Variants in YWHAE observed in about 807,000 individuals in gnomAD.
YWHAE encodes the protein 14-3-3 protein epsilon.
YWHAE carries 4 observed loss-of-function variants against 30.1 expected under a neutral mutation model. That is an observed-to-expected ratio of 0.13 (90% CI 0.07 to 0.30). YWHAE has a LOEUF of 0.30. Ranked by LOEUF, YWHAE falls within the 10% of genes least tolerant of loss-of-function variation. The probability of loss-of-function intolerance (pLI) is 1.00; values close to 1 mark genes in which losing one functional copy is unlikely to be tolerated. For missense variants in YWHAE, 121 were observed against 315.9 expected (o/e 0.38, Z 4.68); for synonymous variants, 118 against 111.8 (o/e 1.06, Z -0.35).
chr17:1,357,458 T>C (rs1191434536), intron 4 of YWHAE, among the ~76,000 whole-genome samples: 1 of 149,688 alleles, frequency 6.7e-6, no homozygotes, highest in Non-Finnish European at 1.5e-5. Flanking sequence ...CGGGTGCCTG[T>C]AGTACCAGCT....
chr17:1,360,617 T>G (rs577099454), intron 4 of YWHAE, among the ~76,000 whole-genome samples: 2 of 151,018 alleles, frequency 1.3e-5, no homozygotes, highest in Non-Finnish European at 3.0e-5. Flanking sequence ...ACAAAAAAAA[T>G]TAGTTGGGCA....
intron 1 of YWHAE, among the ~76,000 whole-genome samples, chr17:1,373,625 G>C (rs1051522956): frequency 6.6e-6 from 1 of 151,814 alleles, no homozygotes; most frequent in Admixed American, 6.6e-5. Flanking sequence ...TAGAGATCGT[G>C]GCACTGCACT....
intron 1 of YWHAE, chr17:1,399,804 A>ACCAC: frequency 9.0e-6 from 1 of 111,202 alleles, no homozygotes; most frequent in Non-Finnish European, 1.6e-5. Context: ...CAACTCCTCC[A>ACCAC]CCCCGTCGCC....
intron 1 of YWHAE, among the ~76,000 whole-genome samples, chr17:1,365,834 C>T (rs1034628428): frequency 6.6e-6 from 1 of 152,084 alleles, no homozygotes; most frequent in Non-Finnish European, 1.5e-5. Context: ...CATTTTAGGG[C>T]CAGGAGTAAG....
intron 1 of YWHAE, among the ~76,000 whole-genome samples, chr17:1,382,177 T>C (rs1293957256): frequency 6.6e-6 from 1 of 151,484 alleles, no homozygotes; most frequent in Non-Finnish European, 1.5e-5. Context: ...GCCTCCCATG[T>C]AACTGGGACT....
At chr17:1,387,562 G>A (rs1274763057) in intron 1 of YWHAE, among the ~76,000 whole-genome samples, 1 of 151,944 alleles carries the variant, frequency 6.6e-6, no homozygotes, top group African/African-American at 2.4e-5. Flanking sequence ...TTTACATTCA[G>A]ATTTTTAAGA....
In YWHAE at chr17:1,345,228, G is replaced by C. The variant is rs554434872; in HGVS notation, c.*219C>G. On this transcript the variant is annotated 3_prime_UTR_variant, in exon 6 of 6. Transcript: ENST00000264335. ...TGTTAGTGTCTTAAAGAACCTAAAA[G>C]CTGGGACCAGTAAAATCCACAGAAA... 1 of 575,680 alleles carries C rather than the reference G, an allele frequency of 1.7e-6. No homozygotes were observed. The highest frequency in any genetic ancestry group is 2.9e-5 in the East Asian group (1 of 34,998). 35.7% of individuals were successfully genotyped at this position (575,680 alleles called of 1,614,324 possible). A position where few individuals can be genotyped will look rare whatever the true frequency, so the allele number is the denominator to read the frequency against.
intron 2 of YWHAE, among the ~76,000 whole-genome samples, chr17:1,362,233 CAT>C (rs1233909634): frequency 1.3e-5 from 2 of 152,068 alleles, no homozygotes; most frequent in African/African-American, 4.8e-5. Context: ...TACACACACA[CAT>C]GCAGGCACGC....
At chr17:1,354,894 C>T (rs193184148) in intron 4 of YWHAE, among the ~76,000 whole-genome samples, 1 of 149,510 alleles carries the variant, frequency 6.7e-6, no homozygotes, top group Non-Finnish European at 1.5e-5. Flanking sequence ...GATCTCCTGA[C>T]CTCGTGATCC....
At chr17:1,369,188 C>T (rs2072992100) in intron 1 of YWHAE, among the ~76,000 whole-genome samples, 1 of 152,118 alleles carries the variant, frequency 6.6e-6, no homozygotes, top group Non-Finnish European at 1.5e-5. Flanking sequence ...AATTCCCCTA[C>T]CTAACAATTC....
chr17:1,367,854 G>C (rs1031734596), intron 1 of YWHAE, among the ~76,000 whole-genome samples: 1 of 152,118 alleles, frequency 6.6e-6, no homozygotes, highest in Non-Finnish European at 1.5e-5. Context: ...GTGAACTGAG[G>C]GGCTTTTGTG....
chr17:1,358,270 C>T (rs1028630076), intron 4 of YWHAE, among the ~76,000 whole-genome samples: 27 of 152,040 alleles, frequency 1.8e-4, no homozygotes, highest in African/African-American at 2.9e-4. Flanking sequence ...GACGGAGTCT[C>T]GCTCTGTCGC....
chr17:1,395,765 TCCCTGTTCTTCACTAACTAGCAG>T (rs1204808893), intron 1 of YWHAE, among the ~76,000 whole-genome samples: 4 of 152,212 alleles, frequency 2.6e-5, no homozygotes, highest in African/African-American at 9.7e-5. Flanking sequence ...CATGCTCCCT[TCCCTGTTCTTCACTAACTAGCAG>T]AATAAGCTAG....
chr17:1,389,918 A>G (rs943772064), intron 1 of YWHAE, among the ~76,000 whole-genome samples: 7 of 151,370 alleles, frequency 4.6e-5, no homozygotes, highest in Non-Finnish European at 8.8e-5. Flanking sequence ...ATCTCGGCTC[A>G]CTGCAACCTC....
intron 5 of YWHAE, among the ~76,000 whole-genome samples, chr17:1,350,290 G>A (rs945334627): frequency 6.6e-6 from 1 of 152,088 alleles, no homozygotes; most frequent in Non-Finnish European, 1.5e-5. Context: ...TCCTAAAACT[G>A]TACTCGACAA....
intron 1 of YWHAE, among the ~76,000 whole-genome samples, chr17:1,370,444 GTT>G (rs890219572): frequency 2.0e-5 from 3 of 150,440 alleles, no homozygotes; most frequent in African/African-American, 4.9e-5. Flanking sequence ...ACAACTTTTT[GTT>G]TTTTGTTTTT....
rs901244046 is a variant in YWHAE at position 1,345,601 on chromosome 17, G to C, written c.716-102C>G. Reference sequence around the variant, plus strand: ...TCCAAGCATAAAGACTCTTCTACTTGCTACAATTGGTATTAAACGCAGGCA... The same window carrying C: ...TCCAAGCATAAAGACTCTTCTACTTCCTACAATTGGTATTAAACGCAGGCA... On this transcript the variant is annotated intron_variant, in intron 5 of 5. Coordinates refer to ENST00000264335, the MANE Select transcript of YWHAE (RefSeq NM_006761.5). The C allele has an allele frequency of 2.4e-6, 3 of 1,243,986 alleles. No individual in the cohort carries two copies. In the African/African-American group the frequency reaches 4.5e-5, roughly 18 times the overall value. 77.1% of individuals were successfully genotyped at this position (1,243,986 alleles called of 1,614,324 possible).
At chr17:1,398,347 C>A (rs1023078453) in intron 1 of YWHAE, among the ~76,000 whole-genome samples, 2 of 134,636 alleles carry the variant, frequency 1.5e-5, no homozygotes, top group African/African-American at 5.2e-5. Flanking sequence ...CCCCCCCCAA[C>A]AGGAACCTTG....
chr17:1,370,413 G>T (rs1310963777), intron 1 of YWHAE, among the ~76,000 whole-genome samples: 2 of 151,776 alleles, frequency 1.3e-5, no homozygotes, highest in Non-Finnish European at 2.9e-5. Context: ...TTACAGGCGT[G>T]AGCCACCGCG....
Sources: gnomAD v4.1 joint callset for allele counts (sites outside exome capture counted in the v4.1 genomes callset) on GRCh38, gnomAD v4.1.1 for gene constraint, MANE v1.5 for transcripts, NCBI Gene and HGNC (gene_info 2026-07-23, HGNC 2026-07-21) for gene names.